Variants in SLC38A3 observed in about 807,000 individuals in gnomAD.
SLC38A3 encodes solute carrier family 38 member 3.
SLC38A3 carries 17 observed loss-of-function variants against 59.5 expected under a neutral mutation model. That is an observed-to-expected ratio of 0.29 (90% CI 0.20 to 0.43). SLC38A3 has a LOEUF of 0.43. Ranked by LOEUF, SLC38A3 falls within the 20% of genes least tolerant of loss-of-function variation. SLC38A3 has a pLI of 1.00. For synonymous variants in SLC38A3, 238 were observed against 260.3 expected, an observed-to-expected ratio of 0.91 and a Z score of 0.82; for missense variants, 454 against 653.9, an observed-to-expected ratio of 0.69 and a Z score of 3.33.
At chr3:50,209,964 G>A (rs1699701390) in intron 1 of SLC38A3, among the ~76,000 whole-genome samples, 1 of 152,146 alleles carries the variant, frequency 6.6e-6, no homozygotes, top group Non-Finnish European at 1.5e-5. Flanking sequence ...GAAAACATGG[G>A]TCTAGAGGAG....
Position 50,218,294 on chromosome 3 carries a change from C to T in SLC38A3, c.960C>T (p.His320=), listed in dbSNP as rs781601470. 1 of 1,612,554 alleles carries T rather than the reference C, an allele frequency of 6.2e-7. No homozygotes were observed. Among genetic ancestry groups the T allele is most frequent in the Non-Finnish European group, 8.5e-7 (1 of 1,178,598 alleles). ...LKDPSKKKMQ[H]ISNLSIAVMY... is the part of the protein sequence containing the mutation. Reference sequence around the variant, plus strand: ...GCCCCTCCAAGAAGAAGATGCAGCACATCTCCAACCTGTCCATCGCTGTCA... The same window carrying T: ...GCCCCTCCAAGAAGAAGATGCAGCATATCTCCAACCTGTCCATCGCTGTCA... The change falls in exon 12 of 16, where the codon CAC becomes CAT. Residue 320 remains histidine (H), a synonymous_variant. Coordinates refer to ENST00000614032, the MANE Select transcript of SLC38A3 (RefSeq NM_006841.6). The surrounding 1 kb of genome is among the most constrained non-coding windows in gnomAD (Gnocchi z 5.8).
At chr3:50,210,682 C>T (rs1159512759) in intron 1 of SLC38A3, among the ~76,000 whole-genome samples, 2 of 152,208 alleles carry the variant, frequency 1.3e-5, no homozygotes, top group Non-Finnish European at 2.9e-5. Context: ...CCGAGGTGTG[C>T]CTGATGAATT....
chr3:50,218,313 G>A lies in SLC38A3; in HGVS notation c.979G>A (p.Ala327Thr), dbSNP rs188399579. ...GCAGCACATCTCCAACCTGTCCATC[G>A]CTGTCATGTACATCATGTACTTCCT... ...KMQHISNLSI[A>T]VMYIMYFLAA... The change falls in exon 12 of 16, where the codon GCT (alanine) becomes ACT (threonine). Residue 327 changes from alanine (A) to threonine (T), a missense_variant. Coordinates refer to ENST00000614032, the MANE Select transcript of SLC38A3 (RefSeq NM_006841.6). The surrounding 1 kb of genome is among the most constrained non-coding windows in gnomAD (Gnocchi z 5.8). 2.7e-4 allele frequency: 430 copies of A among 1,613,496 alleles called. 2 individuals carry two copies. In the African/African-American group the frequency reaches 4.7e-3, roughly 18 times the overall value.
chr3:50,214,570 G>T lies in SLC38A3; in HGVS notation c.184-83G>T. 1 of 1,471,500 alleles carries T rather than the reference G, an allele frequency of 6.8e-7. No homozygotes were observed. The highest frequency in any genetic ancestry group is 2.4e-5 in the East Asian group (1 of 41,092). The allele number at this position is 1,471,500 out of a possible 1,614,324, so 91.2% of individuals were successfully genotyped here. A position where few individuals can be genotyped will look rare whatever the true frequency, so the allele number is the denominator to read the frequency against. On this transcript the variant is annotated intron_variant, in intron 3 of 15. Coordinates refer to ENST00000614032, the MANE Select transcript of SLC38A3 (RefSeq NM_006841.6). The surrounding 1 kb of genome is among the most constrained non-coding windows in gnomAD (Gnocchi z 6.0). Reference sequence around the variant, plus strand: ...TGGTCTCTGGCAGCAGTGGGAGGCTGAGGGACAGTCAGGGGAAGGCTGCGA... The same window carrying T: ...TGGTCTCTGGCAGCAGTGGGAGGCTTAGGGACAGTCAGGGGAAGGCTGCGA...
At position 50,218,411 on chromosome 3, in the gene SLC38A3, G is replaced by T; in HGVS notation, c.1036+41G>T. On this transcript the variant is annotated intron_variant, in intron 12 of 15. Coordinates refer to ENST00000614032, the MANE Select transcript of SLC38A3 (RefSeq NM_006841.6). This position sits in a 1 kb window ranked among gnomAD's most constrained non-coding sequence, Gnocchi z 5.8. The stretch of plus-strand genomic sequence containing the variant: ...TGGGCAGAGGCCTAGGCTAGGCTGG[G>T]GGGAAGGGGCTGGTTGTGGCCATGG... 1.3e-6 allele frequency: 2 copies of T among 1,552,388 alleles called. No individual in the cohort carries two copies. The highest frequency in any genetic ancestry group is 1.8e-6 in the Non-Finnish European group (2 of 1,123,972).
intron 1 of SLC38A3, among the ~76,000 whole-genome samples, chr3:50,210,581 C>T (rs1018473529): frequency 2.6e-5 from 4 of 152,216 alleles, no homozygotes; most frequent in Admixed American, 6.5e-5. Context: ...GGGCAGAGAG[C>T]TGTGCTTCCT....
chr3:50,218,297 C>A lies in SLC38A3; in HGVS notation c.963C>A (p.Ile321=). ...CCTCCAAGAAGAAGATGCAGCACAT[C>A]TCCAACCTGTCCATCGCTGTCATGT... ...KDPSKKKMQH[I]SNLSIAVMYI... is the part of the protein sequence containing the mutation. Residue 321 remains isoleucine, a synonymous_variant, in exon 12 of 16, where the codon ATC becomes ATA. Transcript: ENST00000614032. This position sits in a 1 kb window ranked among gnomAD's most constrained non-coding sequence, Gnocchi z 5.8. 6.2e-7 allele frequency: 1 copy of A among 1,606,818 alleles called. No homozygotes were observed. Among genetic ancestry groups the A allele is most frequent in the Non-Finnish European group, 8.5e-7 (1 of 1,173,432 alleles).
rs975540378 is a variant in SLC38A3, at chr3:50,217,872, A to G, written c.855+32A>G. 1.9e-5 allele frequency: 31 copies of G among 1,613,888 alleles called. No homozygotes were observed. The highest frequency in any genetic ancestry group is 5.0e-5 in the Admixed American group (3 of 60,002). ...ACAGGTCAGGGCAAGGCGGGGGCCC[A>G]ATGAGAGTGGCAGACTGCCTTGACA... On this transcript the variant is annotated intron_variant, in intron 10 of 15. Transcript: ENST00000614032. The surrounding 1 kb of genome is among the most constrained non-coding windows in gnomAD (Gnocchi z 4.9).
chr3:50,217,599 C>G lies in SLC38A3; in HGVS notation c.691-77C>G. The G allele has an allele frequency of 6.3e-7, 1 of 1,589,514 alleles. No homozygotes were observed. The highest frequency in any genetic ancestry group is 1.1e-5 in the South Asian group (1 of 89,230). ...AGAAGGCAGCTCCACCAGTCCTGAT[C>G]TAGATGTGGCTTCATGGTGACTTCC... On this transcript the variant is annotated intron_variant, in intron 9 of 15. Coordinates refer to ENST00000614032, the MANE Select transcript of SLC38A3 (RefSeq NM_006841.6). The surrounding 1 kb of genome is among the most constrained non-coding windows in gnomAD (Gnocchi z 4.9).
At chr3:50,213,903 C>T (rs115680874) in intron 1 of SLC38A3, among the ~76,000 whole-genome samples, 218 of 152,200 alleles carry the variant, frequency 1.4e-3, no homozygotes, top group Non-Finnish European at 2.3e-3. Context: ...CTTGCCTGGA[C>T]GGGTGTGCAT....
chr3:50,209,773 A>G (rs1699698481), intron 1 of SLC38A3, among the ~76,000 whole-genome samples: 1 of 152,072 alleles, frequency 6.6e-6, no homozygotes, highest in Non-Finnish European at 1.5e-5. Context: ...AGAGCCACAG[A>G]CCCTAGATCC....
intron 1 of SLC38A3, among the ~76,000 whole-genome samples, chr3:50,212,540 G>C (rs993139131): frequency 6.6e-6 from 1 of 152,202 alleles, no homozygotes; most frequent in African/African-American, 2.4e-5. Context: ...GGGAGGAGAG[G>C]AGGTAAGATG....
At chr3:50,219,078 T>C (rs1028355123) in intron 14 of SLC38A3, 130 bp downstream of exon 14, 4 of 1,177,658 alleles carry the variant, frequency 3.4e-6, no homozygotes, top group Non-Finnish European at 4.8e-6. Flanking sequence ...TGGCCTTCCA[T>C]CTGAGCTTTT....
chr3:50,218,965 G>C lies in SLC38A3; in HGVS notation c.1306+17G>C. ...GGGTCATCGGTGAGGGTCTGGCCCTGCTGTGGAAGCAGGGTATTGCCCCAG... is the reference window on the plus strand; with the variant it reads ...GGGTCATCGGTGAGGGTCTGGCCCTCCTGTGGAAGCAGGGTATTGCCCCAG... On this transcript the variant is annotated intron_variant, in intron 14 of 15. Coordinates refer to ENST00000614032, the MANE Select transcript of SLC38A3 (RefSeq NM_006841.6). This position sits in a 1 kb window ranked among gnomAD's most constrained non-coding sequence, Gnocchi z 5.8. 3.8e-6 allele frequency: 6 copies of C among 1,598,910 alleles called. No homozygotes were observed. Among genetic ancestry groups the C allele is most frequent in the Non-Finnish European group, 5.1e-6 (6 of 1,167,952 alleles).
Position 50,218,257 on chromosome 3 carries a change from C to T in SLC38A3, c.936-13C>T. On this transcript the variant is annotated splice_polypyrimidine_tract_variant and intron_variant, in intron 11 of 15. Coordinates refer to ENST00000614032, the MANE Select transcript of SLC38A3 (RefSeq NM_006841.6). The surrounding 1 kb of genome is among the most constrained non-coding windows in gnomAD (Gnocchi z 5.8). ...AGCTTGTCACCAACACCCACCCCCCCACTTCCCCACAGCCCCTCCAAGAAG... is the reference window on the plus strand; with the variant it reads ...AGCTTGTCACCAACACCCACCCCCCTACTTCCCCACAGCCCCTCCAAGAAG... The T allele has an allele frequency of 1.3e-6, 2 of 1,541,756 alleles. No homozygotes were observed. The highest frequency in any genetic ancestry group is 2.2e-5 in the East Asian group (1 of 44,548).
rs1699811060 is a variant in SLC38A3, at chr3:50,215,864, G to A, written c.548+43G>A. 2 of 727,288 alleles carry A rather than the reference G, an allele frequency of 2.7e-6. No individual in the cohort carries two copies. The highest frequency in any genetic ancestry group is 2.8e-5 in the East Asian group (1 of 35,858). The allele number at this position is 727,288 out of a possible 1,614,324, so 45.1% of individuals were successfully genotyped here. Reference sequence around the variant, plus strand: ...GAGGGGAGGGGAGGGGTGCGGTGCAGTGAGGAGGGGTGGGGTGGGGTGGGG... The same window carrying A: ...GAGGGGAGGGGAGGGGTGCGGTGCAATGAGGAGGGGTGGGGTGGGGTGGGG... On this transcript the variant is annotated intron_variant, in intron 7 of 15. Coordinates refer to ENST00000614032, the MANE Select transcript of SLC38A3 (RefSeq NM_006841.6). The surrounding 1 kb of genome is among the most constrained non-coding windows in gnomAD (Gnocchi z 7.1).
At chr3:50,212,837 C>T (rs575903586) in intron 1 of SLC38A3, among the ~76,000 whole-genome samples, 4 of 152,138 alleles carry the variant, frequency 2.6e-5, no homozygotes, top group African/African-American at 7.2e-5. Context: ...CATCAGGGGC[C>T]GGAGTGGGGA....
Position 50,212,127 on chromosome 3 carries a change from G to C in SLC38A3, c.-51-2022G>C, listed in dbSNP as rs13320226. On this transcript the variant is annotated intron_variant, in intron 1 of 15. Transcript: ENST00000614032. ...AAAGGTCTAGGCCCAGCTACTGCAG[G>C]GGGGATGGGGAATCTGGAGCTCAGA... 5.2e-3 allele frequency among the ~76,000 whole-genome samples: 795 copies of C among 152,362 alleles called. 10 individuals are homozygous for C. Among genetic ancestry groups the C allele is most frequent in the African/African-American group, 0.018 (760 of 41,584 alleles).
chr3:50,220,699 C>T lies in SLC38A3; in HGVS notation c.*522C>T, dbSNP rs923480678. ...TCCCATCTCCCTTCACAGGATGACA[C>T]CCTCCCATACCCCATAGCTGGGGCC... On this transcript the variant is annotated 3_prime_UTR_variant, in exon 16 of 16. Coordinates refer to ENST00000614032, the MANE Select transcript of SLC38A3 (RefSeq NM_006841.6). 1 of 172,890 alleles carries T rather than the reference C, an allele frequency of 5.8e-6. No homozygotes were observed. The highest frequency in any genetic ancestry group is 2.4e-5 in the African/African-American group (1 of 42,058). The allele number at this position is 172,890 out of a possible 1,614,324, so 10.7% of individuals were successfully genotyped here. A position where few individuals can be genotyped will look rare whatever the true frequency, so the allele number is the denominator to read the frequency against.
Sources: gnomAD v4.1 joint callset for allele counts (sites outside exome capture counted in the v4.1 genomes callset) on GRCh38, gnomAD v4.1.1 for gene constraint, Gnocchi (gnomAD v3.1) non-coding constraint, MANE v1.5 for transcripts, NCBI Gene and HGNC (gene_info 2026-07-23, HGNC 2026-07-21) for gene names.